LRCH1: variants seen among roughly 807,000 people sequenced by gnomAD.
LRCH1 encodes the protein leucine-rich repeat and calponin homology domain-containing protein 1.
A neutral mutation model predicts 94.9 loss-of-function variants in LRCH1; 23 were observed. That is an observed-to-expected ratio of 0.24 (90% CI 0.17 to 0.34). The LOEUF (loss-of-function observed/expected upper bound fraction) is 0.34. Ranked by LOEUF, LRCH1 falls within the 10% of genes least tolerant of loss-of-function variation. LRCH1 has a pLI of 1.00. For synonymous variants in LRCH1, 364 were observed against 354.9 expected, an observed-to-expected ratio of 1.03 and a Z score of -0.29; for missense variants, 790 against 945.9, an observed-to-expected ratio of 0.84 and a Z score of 2.16.
At chr13:46,683,829 C>A (rs564480454) in intron 4 of LRCH1, among the ~76,000 whole-genome samples, 1 of 152,246 alleles carries the variant, frequency 6.6e-6, no homozygotes, top group South Asian at 2.1e-4. Flanking sequence ...ATACTCAAAG[C>A]TAAAACTTCA....
At chr13:46,673,746 ATTTTTTTTTTT>A (rs546225715) in intron 3 of LRCH1, among the ~76,000 whole-genome samples, 1 of 108,266 alleles carries the variant, frequency 9.2e-6, no homozygotes, top group Non-Finnish European at 1.9e-5. Flanking sequence ...TCCAAATGGA[ATTTTTTTTTTT>A]TTTTTTTTTT....
intron 14 of LRCH1, 60 bp from the exon 15 acceptor site, chr13:46,712,465 C>A: frequency 7.9e-7 from 1 of 1,270,038 alleles, no homozygotes; most frequent in Non-Finnish European, 1.1e-6. Context: ...GAAAACCATA[C>A]ATAGTTCTTC....
At position 46,689,184 on chromosome 13, in the gene LRCH1, A is replaced by T. The variant is rs770154366; in HGVS notation, c.1002A>T (p.Leu334Phe). Residue 334 changes from leucine (L) to phenylalanine (F), a missense_variant, in exon 7 of 20, where the codon TTA becomes TTT. Physicochemically the swap from Leu to Phe is conservative, Grantham distance 22. Transcript: ENST00000389797. The part of the protein sequence containing the change: ...GVGSDNGDKR[L>F]SATEPSDEDT... Reference sequence around the variant, plus strand: ...GAAGTGATAATGGAGATAAGCGATTATCTGCCACCGAGGTAAAGTTAGTGA... The same window carrying T: ...GAAGTGATAATGGAGATAAGCGATTTTCTGCCACCGAGGTAAAGTTAGTGA... 3.1e-6 allele frequency: 5 copies of T among 1,611,646 alleles called. No homozygotes were observed. The highest frequency in any genetic ancestry group is 1.3e-5 in the African/African-American group (1 of 74,892).
At chr13:46,556,948 G>A (rs867049485) in intron 1 of LRCH1, among the ~76,000 whole-genome samples, 1 of 152,194 alleles carries the variant, frequency 6.6e-6, no homozygotes, top group African/African-American at 2.4e-5. Context: ...TCTAGTTGGA[G>A]AATAGAGAGA....
At chr13:46,556,721 G>C (rs1280880807) in intron 1 of LRCH1, among the ~76,000 whole-genome samples, 1 of 152,122 alleles carries the variant, frequency 6.6e-6, no homozygotes, top group Admixed American at 6.5e-5. Context: ...TGGAACCCTG[G>C]CAGCCTCACG....
chr13:46,555,865 T>G (rs2050058840), intron 1 of LRCH1, among the ~76,000 whole-genome samples: 1 of 152,232 alleles, frequency 6.6e-6, no homozygotes, highest in Non-Finnish European at 1.5e-5. Flanking sequence ...GTAAACCACA[T>G]GTACTCTTTG....
chr13:46,734,941 CTT>C (rs1873295298), intron 19 of LRCH1, among the ~76,000 whole-genome samples: 1 of 152,156 alleles, frequency 6.6e-6, no homozygotes, highest in South Asian at 2.1e-4. Flanking sequence ...TTGACAAAGA[CTT>C]TTTTCCCTTT....
chr13:46,708,276 C>CTT (rs10635302), intron 13 of LRCH1, among the ~76,000 whole-genome samples: 68,426 of 130,354 alleles, frequency 0.52, 18,809 homozygotes, highest in Non-Finnish European at 0.58. Context: ...TTCATCCCAT[C>CTT]TTTTTTTTTT....
At chr13:46,733,531 C>CGT (rs950300158) in intron 18 of LRCH1, among the ~76,000 whole-genome samples, 1 of 151,848 alleles carries the variant, frequency 6.6e-6, no homozygotes, top group Non-Finnish European at 1.5e-5. Context: ...ACTATATATA[C>CGT]GTGTGTGTGT....
intron 1 of LRCH1, among the ~76,000 whole-genome samples, chr13:46,636,025 A>G (rs1340341444): frequency 1.4e-5 from 2 of 144,060 alleles, no homozygotes; most frequent in Non-Finnish European, 3.0e-5. Context: ...TTGGTAAGAC[A>G]TATACAACAC....
At chr13:46,723,134 C>A in intron 16 of LRCH1, 87 bp from the exon 17 acceptor site, 1 of 661,374 alleles carries the variant, frequency 1.5e-6, no homozygotes, top group South Asian at 2.5e-5. Context: ...TTATTTTGGA[C>A]AAATTAAAAT....
intron 1 of LRCH1, among the ~76,000 whole-genome samples, chr13:46,649,968 G>C (rs2051271636): frequency 6.6e-6 from 1 of 152,110 alleles, no homozygotes; most frequent in South Asian, 2.1e-4. Flanking sequence ...TCTTTAGAGA[G>C]CTAAAAAGTT....
At chr13:46,685,795 A>G (rs760828406) in intron 4 of LRCH1, 110 bp from the exon 5 acceptor site, 1 of 759,380 alleles carries the variant, frequency 1.3e-6, no homozygotes. Flanking sequence ...GATTATACTC[A>G]ATTGTATTTT....
chr13:46,720,018 G>T (rs1361852116), intron 16 of LRCH1, among the ~76,000 whole-genome samples: 1 of 151,588 alleles, frequency 6.6e-6, no homozygotes, highest in African/African-American at 2.4e-5. Flanking sequence ...AAAAATAAAT[G>T]TTATTTATAC....
At chr13:46,723,999 G>A (rs1170050393) in intron 17 of LRCH1, among the ~76,000 whole-genome samples, 3 of 151,306 alleles carry the variant, frequency 2.0e-5, no homozygotes. Flanking sequence ...ATTTATTTAT[G>A]TGTTTTTGAG....
At chr13:46,596,401 A>G (rs1437668774) in intron 1 of LRCH1, among the ~76,000 whole-genome samples, 6 of 152,220 alleles carry the variant, frequency 3.9e-5, no homozygotes, top group Non-Finnish European at 7.3e-5. Flanking sequence ...AAAAAAAATC[A>G]TGTGTTACTT....
chr13:46,591,854 A>G (rs1159660412), intron 1 of LRCH1, among the ~76,000 whole-genome samples: 2 of 152,176 alleles, frequency 1.3e-5, no homozygotes, highest in Non-Finnish European at 2.9e-5. Flanking sequence ...TTTCAATTCA[A>G]TTCATTGGAT....
intron 4 of LRCH1, 104 bp downstream of exon 4, chr13:46,681,950 G>GTGTGTGTT (rs1434722773): frequency 1.6e-5 from 10 of 633,722 alleles, no homozygotes; most frequent in Admixed American, 2.8e-5. Flanking sequence ...GTGTGTGTGT[G>GTGTGTGTT]TGTGTGTGTG....
chr13:46,609,576 G>C (rs896793563), intron 1 of LRCH1, among the ~76,000 whole-genome samples: 2 of 152,094 alleles, frequency 1.3e-5, no homozygotes, highest in Admixed American at 6.5e-5. Context: ...ATGAAAAAAG[G>C]TCTTAAATTT....
Sources: allele counts gnomAD v4.1 joint callset (sites outside exome capture counted in the v4.1 genomes callset), GRCh38; gene constraint gnomAD v4.1.1; transcripts MANE v1.5; gene names NCBI Gene and HGNC (gene_info 2026-07-23, HGNC 2026-07-21).